The following DCTN1 variants were observed in gnomAD, a reference collection of about 807,000 sequenced individuals.
The protein encoded by DCTN1 is 150 kDa dynein-associated polypeptide.
DCTN1 carries 61 observed loss-of-function variants against 161.2 expected under a neutral mutation model. The ratio of observed to expected loss-of-function variants is 0.38; its 90% CI spans 0.31 to 0.47. The LOEUF (loss-of-function observed/expected upper bound fraction) is 0.47. Ranked by LOEUF, DCTN1 falls within the 20% of genes least tolerant of loss-of-function variation. The pLI, the probability that DCTN1 is intolerant of heterozygous loss-of-function variation, is 0.99. For synonymous variants in DCTN1, 653 were observed against 632.4 expected (o/e 1.03, Z -0.49); for missense variants, 1,404 against 1,623.7 (o/e 0.86, Z 2.33).
chr2:74,381,007 T>G (rs572624312), upstream of DCTN1, among the ~76,000 whole-genome samples: 335 of 152,362 alleles, frequency 2.2e-3, 3 homozygotes, highest in South Asian at 0.023. Context: ...CTTGTACTCT[T>G]GGCCTTGCCT....
At chr2:74,382,035 A>C (rs1431026835), upstream of DCTN1, among the ~76,000 whole-genome samples, 5 of 152,126 alleles carry the variant, frequency 3.3e-5, no homozygotes, top group Non-Finnish European at 7.4e-5. Flanking sequence ...AACTGGAAAC[A>C]ACCTGACCCA....
chr2:74,389,583 T>C (rs773358866), intron 1 of DCTN1, among the ~76,000 whole-genome samples: 2 of 152,232 alleles, frequency 1.3e-5, no homozygotes, highest in Non-Finnish European at 2.9e-5. Flanking sequence ...TGTACCCTCA[T>C]GGTCAGTCAG....
intron 5 of DCTN1, chr2:74,374,876 C>G: frequency 4.2e-6 from 2 of 481,656 alleles, no homozygotes; most frequent in Non-Finnish European, 2.8e-6. Flanking sequence ...CCCCCAAGAG[C>G]GTGCTCCAAA....
intron 1 of DCTN1, 40 bp from the exon 2 acceptor site, chr2:74,378,285 G>T (rs1222805437): frequency 1.9e-6 from 3 of 1,598,998 alleles, no homozygotes; most frequent in Non-Finnish European, 2.5e-6. Context: ...AGAGGCCTCA[G>T]ATCAAAGGTG....
rs1178807700 is a variant in DCTN1 at position 74,371,538 on chromosome 2, T to C, written c.644A>G (p.Lys215Arg). The C allele has an allele frequency of 3.8e-6, 6 of 1,570,032 alleles. No homozygotes were observed. The highest frequency in any genetic ancestry group is 1.4e-5 in the African/African-American group (1 of 74,010). ...CTTTACCCCTACCCCAGGCCTTACCTTGGATGGGGAAGGAAGCGGGGGGAC... is the reference window on the plus strand; with the variant it reads ...CTTTACCCCTACCCCAGGCCTTACCCTGGATGGGGAAGGAAGCGGGGGGAC... ...GAVPPLPSPSKEEEGLRAQVR... is the reference protein window; with the variant it reads ...GAVPPLPSPSREEEGLRAQVR... Residue 215 changes from lysine to arginine, a missense_variant and splice_region_variant, in exon 8 of 32, where the codon AAG (lysine) becomes AGG (arginine). Lys to Arg is a conservative substitution (Grantham distance 26). This residue lies in a region of DCTN1 where 174 missense variants were observed against 175.6 expected (regional missense o/e 0.99). Transcript: ENST00000628224.
Position 74,371,157 on chromosome 2 carries a change from G to A in DCTN1, c.665C>T (p.Ala222Val), listed in dbSNP as rs1463732035. 2 of 1,613,720 alleles carry A rather than the reference G, an allele frequency of 1.2e-6. No individual in the cohort carries two copies. The highest frequency in any genetic ancestry group is 8.5e-7 in the Non-Finnish European group (1 of 1,180,044). ...TTTCTCCTCCAGGTCCCGCACCTGAGCCCTTAGTCCCTCCTCCTCCTGCAA... is the reference window on the plus strand; with the variant it reads ...TTTCTCCTCCAGGTCCCGCACCTGAACCCTTAGTCCCTCCTCCTCCTGCAA... The part of the protein sequence containing the change: ...SPSKEEEGLR[A>V]QVRDLEEKLE... The change falls in exon 9 of 32, where the codon GCT becomes GTT. Residue 222 changes from alanine to valine, a missense_variant. Physicochemically the swap from Ala to Val is moderately conservative, Grantham distance 64 (BLOSUM62 0). Around this residue, in one of 9 missense-constraint regions of DCTN1, gnomAD observed 67 missense variants for 116.3 expected, o/e 0.58. Coordinates refer to ENST00000628224, the MANE Select transcript of DCTN1 (RefSeq NM_004082.5).
At position 74,363,102 on chromosome 2, in the gene DCTN1, T is replaced by C; in HGVS notation, c.3421A>G (p.Ser1141Gly). ...VAKLSHEGPG[S>G]ELPAGALYRK... The stretch of plus-strand genomic sequence containing the variant: ...TACAGCGCTCCAGCTGGTAACTCAC[T>C]GCCAGGGCCCTCATGGGATAGCTTT... Residue 1141 changes from serine (S) to glycine (G), a missense_variant, in exon 29 of 32, where the codon AGT becomes GGT. Transcript: ENST00000628224. 6.2e-7 allele frequency: 1 copy of C among 1,613,872 alleles called. No homozygotes were observed. The highest frequency in any genetic ancestry group is 1.1e-5 in the South Asian group (1 of 91,022).
chr2:74,368,302 ATG>A, intron 16 of DCTN1, 171 bp from the exon 17 acceptor site: 1 of 848,674 alleles, frequency 1.2e-6, no homozygotes. Flanking sequence ...AAGGGTAGTG[ATG>A]TGATTACTGG....
At chr2:74,386,145 CCATGCCACCAT>C (rs973625504) in intron 1 of DCTN1, among the ~76,000 whole-genome samples, 14 of 152,308 alleles carry the variant, frequency 9.2e-5, no homozygotes, top group African/African-American at 3.1e-4. Flanking sequence ...CCTGCCCCCT[CCATGCCACCAT>C]CATGCCCACA....
At position 74,361,281 on chromosome 2, in the gene DCTN1, A is replaced by C. The variant is rs1405498166; in HGVS notation, c.*218T>G. The C allele has an allele frequency of 1.4e-6, 1 of 719,106 alleles. No individual in the cohort carries two copies. The highest frequency in any genetic ancestry group is 2.8e-5 in the East Asian group (1 of 35,594). The allele number at this position is 719,106 out of a possible 1,614,324, so 44.5% of individuals were successfully genotyped here. A position where few individuals can be genotyped will look rare whatever the true frequency, so the allele number is the denominator to read the frequency against. ...TGAGGCCCCTCAGGAAGGAGGGAGC[A>C]GTTGAACAACAAATTATGGCAGAGG... On this transcript the variant is annotated 3_prime_UTR_variant, in exon 32 of 32. Coordinates refer to ENST00000628224, the MANE Select transcript of DCTN1 (RefSeq NM_004082.5).
intron 1 of DCTN1, chr2:74,391,172 G>C (rs2103790915): frequency 6.5e-6 from 1 of 153,438 alleles, no homozygotes; most frequent in East Asian, 1.9e-4. Context: ...TTCGCCTCTC[G>C]GTACCTTAAG....
chr2:74,369,917 T>C lies in DCTN1; in HGVS notation c.1392+48A>G, dbSNP rs1325670793. 2 of 1,591,838 alleles carry C rather than the reference T, an allele frequency of 1.3e-6. No homozygotes were observed. Among genetic ancestry groups the C allele is most frequent in the South Asian group, 1.1e-5 (1 of 90,650 alleles). On this transcript the variant is annotated intron_variant, in intron 13 of 31. Coordinates refer to ENST00000628224, the MANE Select transcript of DCTN1 (RefSeq NM_004082.5). This position sits in a 1 kb window ranked among gnomAD's most constrained non-coding sequence, Gnocchi z 4.9. ...AGGCCAAGGGTCACATGTCAATCTT[T>C]TTCTCAGCAGGTCCAAGTCAGATGT... is the stretch of plus-strand genomic sequence containing the variant.
At chr2:74,365,861 G>GC (rs748058825) in intron 24 of DCTN1, 32 bp downstream of exon 24, 1 of 1,613,910 alleles carries the variant, frequency 6.2e-7, no homozygotes. Flanking sequence ...CAATTTCCTG[G>GC]CCCCCAGATC....
chr2:74,374,274 C>G, intron 6 of DCTN1, 49 bp downstream of exon 6: 1 of 1,599,928 alleles, frequency 6.3e-7, no homozygotes, highest in Non-Finnish European at 8.6e-7. Flanking sequence ...AGCCTGCTGC[C>G]ACCATTGCCC....
chr2:74,387,328 C>A (rs536388999), intron 1 of DCTN1, among the ~76,000 whole-genome samples: 2 of 152,112 alleles, frequency 1.3e-5, no homozygotes, highest in Admixed American at 6.5e-5. Flanking sequence ...CTTCTGTAAG[C>A]GTGGCTGGGA....
chr2:74,389,360 T>C (rs775455216), intron 1 of DCTN1, among the ~76,000 whole-genome samples: 5 of 152,196 alleles, frequency 3.3e-5, no homozygotes, highest in Non-Finnish European at 5.9e-5. Flanking sequence ...TTTTCCTTGG[T>C]ATGGGACAGA....
chr2:74,371,605 C>T lies in DCTN1; in HGVS notation c.577G>A (p.Ala193Thr), dbSNP rs1307156989. 2.5e-6 allele frequency: 4 copies of T among 1,588,852 alleles called. No homozygotes were observed. The highest frequency in any genetic ancestry group is 1.3e-5 in the African/African-American group (1 of 74,618). Residue 193 changes from alanine to threonine, a missense_variant, in exon 8 of 32, where the codon GCA becomes ACA. This residue lies in a region of DCTN1 where 174 missense variants were observed against 175.6 expected (regional missense o/e 0.99). Coordinates refer to ENST00000628224, the MANE Select transcript of DCTN1 (RefSeq NM_004082.5). ...PSTPAQTPLA[A>T]PIIPTPVLTS... is the part of the protein sequence containing the mutation. ...AGGACCGGCGTGGGGATGATGGGTG[C>T]TGCCAGCGGAGTCTGAGCCGGGGTG... is the stretch of plus-strand genomic sequence containing the variant.
intron 5 of DCTN1, among the ~76,000 whole-genome samples, chr2:74,375,082 T>C (rs1311738160): frequency 6.7e-6 from 1 of 150,318 alleles, no homozygotes; most frequent in Non-Finnish European, 1.5e-5. Flanking sequence ...CAGTCTCTCA[T>C]CTGGCACACA....
In DCTN1 at chr2:74,368,064, C is replaced by T. The variant is rs527653759; in HGVS notation, c.1922G>A (p.Gly641Glu). Residue 641 changes from glycine to glutamate, a missense_variant, in exon 17 of 32, where the codon GGG becomes GAG. Physicochemically the swap from Gly to Glu is moderately conservative, Grantham distance 98. Coordinates refer to ENST00000628224, the MANE Select transcript of DCTN1 (RefSeq NM_004082.5). ...ELSENCSERPGLRGAAGEQLS... is the reference protein window; with the variant it reads ...ELSENCSERPELRGAAGEQLS... The stretch of plus-strand genomic sequence containing the variant: ...TTGCTCCCCAGCAGCTCCTCGCAGC[C>T]CAGGCCGCTCTGAACAGTTCTCACT... 3 of 1,612,486 alleles carry T rather than the reference C, an allele frequency of 1.9e-6. No individual in the cohort carries two copies. Among genetic ancestry groups the T allele is most frequent in the South Asian group, 2.2e-5 (2 of 90,798 alleles).
Sources: gnomAD v4.1 joint callset for allele counts (sites outside exome capture counted in the v4.1 genomes callset) on GRCh38, gnomAD v4.1.1 for gene constraint, gnomAD v4.1.1 regional missense constraint, Gnocchi (gnomAD v3.1) non-coding constraint, MANE v1.5 for transcripts, NCBI Gene and HGNC (gene_info 2026-07-23, HGNC 2026-07-21) for gene names.